Variants in ABCC4 observed in about 807,000 individuals in gnomAD.
The protein encoded by ABCC4 is ATP binding cassette subfamily C member 4 (PEL blood group).
Under a neutral mutation model 168.5 loss-of-function variants are expected in ABCC4, and 102 were observed. The observed-to-expected ratio is 0.61, with a 90% confidence interval of 0.52 to 0.71. The LOEUF (loss-of-function observed/expected upper bound fraction) is 0.71. ABCC4 is among the 30% of genes least tolerant of loss of function. The probability of loss-of-function intolerance (pLI) is 0.00; values close to 1 mark genes in which losing one functional copy is unlikely to be tolerated. For synonymous variants in ABCC4, 617 were observed against 590.7 expected, an observed-to-expected ratio of 1.04 and a Z score of -0.65; for missense variants, 1,402 against 1,605.8, an observed-to-expected ratio of 0.87 and a Z score of 2.17.
chr13:95,080,078 T>C (rs982671601), intron 21 of ABCC4, among the ~76,000 whole-genome samples: 2 of 152,172 alleles, frequency 1.3e-5, no homozygotes, highest in Non-Finnish European at 2.9e-5. Context: ...ACTTAGCTAA[T>C]ATCCAACAGC....
At chr13:95,052,773 G>A (rs2032896038) in intron 27 of ABCC4, among the ~76,000 whole-genome samples, 1 of 152,204 alleles carries the variant, frequency 6.6e-6, no homozygotes, top group African/African-American at 2.4e-5. Context: ...AATAAATGGT[G>A]CAGAGTAACT....
At chr13:95,066,786 A>G (rs557137848) in intron 25 of ABCC4, among the ~76,000 whole-genome samples, 2 of 152,354 alleles carry the variant, frequency 1.3e-5, no homozygotes, top group South Asian at 4.1e-4. Context: ...TCACTTGGAT[A>G]GCCTGGCTCT....
intron 11 of ABCC4, among the ~76,000 whole-genome samples, chr13:95,186,116 C>A (rs1185602127): frequency 1.3e-5 from 2 of 152,000 alleles, no homozygotes; most frequent in Non-Finnish European, 2.9e-5. Flanking sequence ...GCACTGTAAT[C>A]TCTGCCTAGC....
At chr13:95,120,567 CAAA>C (rs35906536) in intron 19 of ABCC4, among the ~76,000 whole-genome samples, 24 of 90,816 alleles carry the variant, frequency 2.6e-4, no homozygotes, top group Admixed American at 5.1e-4. Flanking sequence ...GAGACTCCGT[CAAA>C]AAAAAAAAAA....
chr13:95,292,125 G>A (rs1263920647), intron 1 of ABCC4, among the ~76,000 whole-genome samples: 1 of 152,144 alleles, frequency 6.6e-6, no homozygotes, highest in Non-Finnish European at 1.5e-5. Flanking sequence ...TTGGAGGCTA[G>A]GGCGGGAGGA....
chr13:95,109,328 T>C (rs2035121068), intron 20 of ABCC4, among the ~76,000 whole-genome samples: 1 of 152,132 alleles, frequency 6.6e-6, no homozygotes, highest in Non-Finnish European at 1.5e-5. Flanking sequence ...AGAGAGACTT[T>C]CGCTGGTCCT....
chr13:95,258,781 G>A (rs1345975794), intron 1 of ABCC4, among the ~76,000 whole-genome samples: 1 of 152,196 alleles, frequency 6.6e-6, no homozygotes, highest in Non-Finnish European at 1.5e-5. Context: ...AGGGGAATGT[G>A]CAGGTCACTT....
chr13:95,145,977 C>T (rs770709213), intron 19 of ABCC4, among the ~76,000 whole-genome samples: 2 of 152,044 alleles, frequency 1.3e-5, no homozygotes, highest in Non-Finnish European at 2.9e-5. Flanking sequence ...TTTGGGAGGC[C>T]AAGGCAGGAG....
chr13:95,261,356 G>A (rs1468024699), intron 1 of ABCC4, among the ~76,000 whole-genome samples: 1 of 152,100 alleles, frequency 6.6e-6, no homozygotes, highest in East Asian at 1.9e-4. Context: ...AGCTAAGGCG[G>A]AAGAATCACT....
At chr13:95,062,088 A>G (rs949673565) in intron 26 of ABCC4, among the ~76,000 whole-genome samples, 1 of 150,730 alleles carries the variant, frequency 6.6e-6, no homozygotes, top group African/African-American at 2.5e-5. Context: ...AATACACCAC[A>G]CACTCTCACA....
intron 20 of ABCC4, among the ~76,000 whole-genome samples, chr13:95,107,977 TCTCTC>T (rs1415384572): frequency 6.6e-6 from 1 of 152,054 alleles, no homozygotes; most frequent in Non-Finnish European, 1.5e-5. Flanking sequence ...TAGTGTCCTC[TCTCTC>T]CTGAGCTTCC....
intron 9 of ABCC4, among the ~76,000 whole-genome samples, chr13:95,193,633 G>A (rs565429693): frequency 4.6e-5 from 7 of 152,308 alleles, no homozygotes; most frequent in East Asian, 3.9e-4. Context: ...AGAGGACCCC[G>A]GACTCAGGTG....
In ABCC4 at chr13:95,098,134, T is replaced by TTA. The variant is rs143541251; in HGVS notation, c.2536-14845_2536-14844insTA. 3.5e-3 allele frequency among the ~76,000 whole-genome samples: 395 copies of TTA among 114,092 alleles called. 2 individuals are homozygous for TTA. The highest frequency in any genetic ancestry group is 0.012 in the African/African-American group (369 of 30,258). 74.8% of individuals were successfully genotyped at this position (114,092 alleles called of 152,430 possible). On this transcript the variant is annotated intron_variant, in intron 20 of 30. Coordinates refer to ENST00000645237, the MANE Select transcript of ABCC4 (RefSeq NM_005845.5). ...CTGGGCGACAGAGTGAGATACTGTC[T>TTA]AAAAAAAAAAAAAAAAAAGTCAACT...
In ABCC4 at chr13:95,071,723, T is replaced by TA. The variant is rs2033730507; in HGVS notation, c.3148dup (p.Tyr1050LeufsTer17). ...CAGTACCAGAGGCCCACCTGGACTGTACATGAAGTTCACATTGTCAAAGAT... is the reference window on the plus strand; with the variant it reads ...CAGTACCAGAGGCCCACCTGGACTGTAACATGAAGTTCACATTGTCAAAGAT... On this transcript the variant is annotated frameshift_variant, in exon 25 of 31. Coordinates refer to ENST00000645237, the MANE Select transcript of ABCC4 (RefSeq NM_005845.5). LOFTEE classifies it high-confidence loss of function. 1.9e-6 allele frequency: 3 copies of TA among 1,600,710 alleles called. No homozygotes were observed. The Admixed American group carries it at 5.2e-5, about 28-fold the overall frequency.
At chr13:95,178,695 C>T (rs905603528) in intron 11 of ABCC4, among the ~76,000 whole-genome samples, 11 of 152,042 alleles carry the variant, frequency 7.2e-5, no homozygotes, top group Non-Finnish European at 1.3e-4. Flanking sequence ...CACGGAACTG[C>T]GAGCACAGGA....
Position 95,115,941 on chromosome 13 carries a change from G to A in ABCC4, c.2516C>T (p.Thr839Met), listed in dbSNP as rs778084933. Reference protein sequence around the residue: ...IGHLDDLLPLTFLDFIQTLLQ... With the variant: ...IGHLDDLLPLMFLDFIQTLLQ... ...CGTTACCTGGATGAAATCTAAAAAC[G>A]TCAGCGGCAGCAAATCATCCAAGTG... is the stretch of plus-strand genomic sequence containing the variant. The change falls in exon 20 of 31, where the codon ACG (threonine) becomes ATG (methionine). Residue 839 changes from threonine to methionine, a missense_variant. Thr to Met is a moderately conservative substitution (Grantham distance 81). Coordinates refer to ENST00000645237, the MANE Select transcript of ABCC4 (RefSeq NM_005845.5). 14 of 1,612,426 alleles carry A rather than the reference G, an allele frequency of 8.7e-6. No homozygotes were observed. The highest frequency in any genetic ancestry group is 1.2e-5 in the Non-Finnish European group (14 of 1,179,390).
intron 1 of ABCC4, among the ~76,000 whole-genome samples, chr13:95,289,597 C>T (rs896741425): frequency 6.6e-6 from 1 of 152,218 alleles, no homozygotes; most frequent in Admixed American, 6.6e-5. Context: ...ACTGGCTGAG[C>T]ACCCACAGAG....
chr13:95,279,118 T>C (rs570267059), intron 1 of ABCC4, among the ~76,000 whole-genome samples: 12 of 152,250 alleles, frequency 7.9e-5, no homozygotes, highest in African/African-American at 2.6e-4. Flanking sequence ...AGATAAAGAT[T>C]TGGCCAGCAG....
At chr13:95,243,966 C>T (rs1048723574) in intron 3 of ABCC4, among the ~76,000 whole-genome samples, 4 of 152,036 alleles carry the variant, frequency 2.6e-5, no homozygotes, top group Non-Finnish European at 5.9e-5. Flanking sequence ...AGCACCCCAG[C>T]CACTCTCTAG....
Sources: allele counts gnomAD v4.1 joint callset (sites outside exome capture counted in the v4.1 genomes callset), GRCh38; gene constraint gnomAD v4.1.1; transcripts MANE v1.5; gene names NCBI Gene and HGNC (gene_info 2026-07-23, HGNC 2026-07-21).